Variants in PRSS3 observed in about 807,000 individuals in gnomAD.
The protein encoded by PRSS3 is trypsin-3.
Under a neutral mutation model 20.8 loss-of-function variants are expected in PRSS3, and 14 were observed. The observed-to-expected ratio is 0.67, with a 90% CI of 0.44 to 1.05. The LOEUF (loss-of-function observed/expected upper bound fraction) is 1.05, where lower values mean the gene tolerates loss of function less well. Among genes scored for constraint, PRSS3 ranks in the 50% least tolerant of loss-of-function variants. The probability of loss-of-function intolerance (pLI) is 0.00; values close to 1 mark genes in which losing one functional copy is unlikely to be tolerated. For synonymous variants in PRSS3, 91 were observed against 117.6 expected (o/e 0.77, Z 1.46); for missense variants, 237 against 306.4 (o/e 0.77, Z 1.69).
intron 1 of PRSS3, among the ~76,000 whole-genome samples, chr9:33,771,809 T>G (rs1046402953): frequency 8.6e-5 from 13 of 151,370 alleles, no homozygotes; most frequent in African/African-American, 3.1e-4. Flanking sequence ...CTTTTTGTTT[T>G]TTTGTTTTTT....
Position 33,750,877 on chromosome 9 carries a change from G to C in PRSS3, c.-53+150G>C. Reference sequence around the variant, plus strand: ...GGTACGCGGACAGGGAGGGGATACCGACTGGGAGGGGCTCAGGGACAGGGA... The same window carrying C: ...GGTACGCGGACAGGGAGGGGATACCCACTGGGAGGGGCTCAGGGACAGGGA... On this transcript the variant is annotated intron_variant, in intron 1 of 5. Transcript: ENST00000342836. This position sits in a 1 kb window ranked among gnomAD's most constrained non-coding sequence, Gnocchi z 4.8. 7.3e-7 allele frequency: 1 copy of C among 1,368,456 alleles called. No homozygotes were observed. Among genetic ancestry groups the C allele is most frequent in the Non-Finnish European group, 9.4e-7 (1 of 1,066,740 alleles). The allele number at this position is 1,368,456 out of a possible 1,614,324, so 84.8% of individuals were successfully genotyped here. A position where few individuals can be genotyped will look rare whatever the true frequency, so the allele number is the denominator to read the frequency against.
At chr9:33,775,347 G>A (rs1167738940) in intron 1 of PRSS3, among the ~76,000 whole-genome samples, 1 of 152,192 alleles carries the variant, frequency 6.6e-6, no homozygotes, top group Non-Finnish European at 1.5e-5. Context: ...TCAATTCAGA[G>A]CAGTGGCTGG....
intron 1 of PRSS3, among the ~76,000 whole-genome samples, chr9:33,753,604 C>T (rs113612682): frequency 7.9e-5 from 12 of 152,140 alleles, no homozygotes; most frequent in South Asian, 2.1e-4. Flanking sequence ...TAACTGTAGC[C>T]GTTATTATAG....
At chr9:33,771,645 G>GTTTTTT (rs112204565) in intron 1 of PRSS3, among the ~76,000 whole-genome samples, 9 of 78,732 alleles carry the variant, frequency 1.1e-4, no homozygotes, top group African/African-American at 1.0e-4. Context: ...TTGTTTTTTT[G>GTTTTTT]TTTTTTTTTT....
At chr9:33,785,566 A>G (rs553964091) in intron 1 of PRSS3, among the ~76,000 whole-genome samples, 237 of 152,370 alleles carry the variant, frequency 1.6e-3, no homozygotes, top group Non-Finnish European at 2.6e-3. Context: ...ACAAGTATTC[A>G]GGAATTAAGC....
chr9:33,792,716 G>A (rs1279691775), upstream of PRSS3, among the ~76,000 whole-genome samples: 1 of 152,150 alleles, frequency 6.6e-6, no homozygotes, highest in Non-Finnish European at 1.5e-5. Context: ...CTGGAAAATG[G>A]GCAATCGCAT....
At chr9:33,795,512 C>G, upstream of PRSS3, 1 of 1,594,350 alleles carries the variant, frequency 6.3e-7, no homozygotes, top group Non-Finnish European at 8.6e-7. Context: ...CACCTCCTCT[C>G]CTGATTCTTG....
At chr9:33,792,217 C>T (rs988374390), upstream of PRSS3, among the ~76,000 whole-genome samples, 10 of 151,788 alleles carry the variant, frequency 6.6e-5, no homozygotes, top group Non-Finnish European at 1.5e-5. Flanking sequence ...GGGAGTTTGG[C>T]GGGAAGACAG....
chr9:33,794,600 A>G (rs1824809567), upstream of PRSS3: 2 of 963,938 alleles, frequency 2.1e-6, no homozygotes, highest in Non-Finnish European at 2.9e-6. Context: ...CATGTGCTAA[A>G]ATCTCTACCT....
At chr9:33,764,475 G>T (rs957933095) in intron 1 of PRSS3, among the ~76,000 whole-genome samples, 2 of 152,222 alleles carry the variant, frequency 1.3e-5, no homozygotes, top group Admixed American at 1.3e-4. Context: ...GAAGGTTGCA[G>T]TGAGCCGAGA....
chr9:33,764,469 G>T (rs1032672717), intron 1 of PRSS3, among the ~76,000 whole-genome samples: 2 of 152,160 alleles, frequency 1.3e-5, no homozygotes, highest in Non-Finnish European at 2.9e-5. Context: ...GGAGGCGAAG[G>T]TTGCAGTGAG....
chr9:33,780,489 T>A (rs1208762480), intron 1 of PRSS3, among the ~76,000 whole-genome samples: 1 of 152,176 alleles, frequency 6.6e-6, no homozygotes, highest in Non-Finnish European at 1.5e-5. Flanking sequence ...ATAAATCAAC[T>A]ATGCTGTCAA....
chr9:33,762,403 A>G (rs1234773383), intron 1 of PRSS3, among the ~76,000 whole-genome samples: 1 of 152,194 alleles, frequency 6.6e-6, no homozygotes, highest in Non-Finnish European at 1.5e-5. Context: ...GAAGTTCAGG[A>G]CTGCGGCCAC....
intron 1 of PRSS3, among the ~76,000 whole-genome samples, chr9:33,778,736 C>T (rs1047007031): frequency 6.6e-6 from 1 of 152,160 alleles, no homozygotes; most frequent in African/African-American, 2.4e-5. Context: ...CAGGAGTCCC[C>T]TGCAGCCTGG....
At chr9:33,785,007 C>G (rs1824328245) in intron 1 of PRSS3, among the ~76,000 whole-genome samples, 1 of 151,930 alleles carries the variant, frequency 6.6e-6, no homozygotes, top group African/African-American at 2.4e-5. Context: ...AATAAATAGC[C>G]TAACCAAAAA....
intron 1 of PRSS3, among the ~76,000 whole-genome samples, chr9:33,795,868 G>T (rs1454283452): frequency 1.3e-5 from 2 of 152,242 alleles, no homozygotes; most frequent in Admixed American, 1.3e-4. Context: ...AGACCAGGTG[G>T]GGCTGGCCCA....
chr9:33,751,154 G>C (rs1822677102), intron 1 of PRSS3, among the ~76,000 whole-genome samples: 1 of 152,204 alleles, frequency 6.6e-6, no homozygotes, highest in South Asian at 2.1e-4. Flanking sequence ...CCGGGAACGC[G>C]CGCCCCCGTG....
chr9:33,795,498 C>A, upstream of PRSS3: 1 of 1,593,748 alleles, frequency 6.3e-7, no homozygotes, highest in Non-Finnish European at 8.6e-7. Context: ...CCTCACCTCA[C>A]AGACACCTCC....
chr9:33,785,272 G>A (rs973669784), intron 1 of PRSS3, among the ~76,000 whole-genome samples: 15 of 138,484 alleles, frequency 1.1e-4, no homozygotes, highest in African/African-American at 4.0e-4. Flanking sequence ...CCGCCTCCCG[G>A]GTTCACCCCA....
Sources: gnomAD v4.1 joint callset for allele counts (sites outside exome capture counted in the v4.1 genomes callset) on GRCh38, gnomAD v4.1.1 for gene constraint, Gnocchi (gnomAD v3.1) non-coding constraint, MANE v1.5 for transcripts, NCBI Gene and HGNC (gene_info 2026-07-23, HGNC 2026-07-21) for gene names.